The following ESRRG variants were observed in gnomAD, a reference collection of about 807,000 sequenced individuals.
The protein encoded by ESRRG is estrogen-related receptor gamma.
A neutral mutation model predicts 44.0 loss-of-function variants in ESRRG; 13 were observed. The ratio of observed to expected loss-of-function variants is 0.30; its 90% CI spans 0.19 to 0.47. The LOEUF (loss-of-function observed/expected upper bound fraction) is 0.47, where lower values mean the gene tolerates loss of function less well. Among genes scored for constraint, ESRRG ranks in the 20% least tolerant of loss-of-function variants. ESRRG has a pLI of 1.00. For synonymous variants in ESRRG, 215 were observed against 214.6 expected (o/e 1.00, Z -0.02); for missense variants, 395 against 580.6 (o/e 0.68, Z 3.29).
intron 1 of ESRRG, among the ~76,000 whole-genome samples, chr1:217,057,486 C>A (rs1026523188): frequency 2.0e-5 from 3 of 151,824 alleles, no homozygotes; most frequent in African/African-American, 7.3e-5. Context: ...AACTTAAAGA[C>A]ATTAAGAAAT....
At chr1:217,086,086 A>G (rs935264660) in intron 1 of ESRRG, among the ~76,000 whole-genome samples, 13 of 152,238 alleles carry the variant, frequency 8.5e-5, no homozygotes, top group African/African-American at 2.9e-4. Flanking sequence ...TCACAATATT[A>G]TGAAACTTGA....
chr1:216,801,701 T>A (rs1306517397), intron 2 of ESRRG, among the ~76,000 whole-genome samples: 1 of 152,164 alleles, frequency 6.6e-6, no homozygotes, highest in Admixed American at 6.6e-5. Context: ...TGACGTTGAG[T>A]ACCTTTTCAT....
Position 217,084,500 on chromosome 1 carries a change from G to A in ESRRG, c.-106+5007C>T, listed in dbSNP as rs868004439. ...AAACTTAAATGAGCCACTCTATAAC[G>A]TAGATATCTGGAAATATGGTTTATC... On this transcript the variant is annotated intron_variant, in intron 1 of 7. Coordinates refer to the ESRRG transcript ENST00000359162. 5.3e-5 allele frequency among the ~76,000 whole-genome samples: 8 copies of A among 152,084 alleles called. No individual in the cohort carries two copies. The East Asian group carries it at 7.7e-4, about 15-fold the overall frequency.
At chr1:216,967,911 G>T (rs2070799364) in intron 1 of ESRRG, among the ~76,000 whole-genome samples, 1 of 152,130 alleles carries the variant, frequency 6.6e-6, no homozygotes, top group Admixed American at 6.6e-5. Context: ...ATTTGGTATT[G>T]TCAGCGTCTT....
chr1:216,672,523 A>G (rs555844099), intron 2 of ESRRG, among the ~76,000 whole-genome samples: 1 of 152,300 alleles, frequency 6.6e-6, no homozygotes, highest in East Asian at 1.9e-4. Flanking sequence ...ATTTTTCCCA[A>G]CTTTTTAAAC....
chr1:216,697,856 C>T (rs1410917702), intron 1 of ESRRG, among the ~76,000 whole-genome samples: 1 of 152,138 alleles, frequency 6.6e-6, no homozygotes, highest in Non-Finnish European at 1.5e-5. Context: ...AGTGTGAAAC[C>T]TATCTGTCAC....
At chr1:216,754,494 C>A (rs1178911793) in intron 2 of ESRRG, among the ~76,000 whole-genome samples, 2 of 151,836 alleles carry the variant, frequency 1.3e-5, no homozygotes, top group Admixed American at 6.6e-5. Context: ...CCTTCTGTAC[C>A]CTTAGTTCAG....
intron 1 of ESRRG, among the ~76,000 whole-genome samples, chr1:217,051,574 C>G (rs2151245123): frequency 6.6e-6 from 1 of 152,278 alleles, no homozygotes; most frequent in South Asian, 2.1e-4. Flanking sequence ...CCATCCTTTA[C>G]TTATGTTTCA....
intron 2 of ESRRG, among the ~76,000 whole-genome samples, chr1:216,741,133 A>T (rs1408265407): frequency 6.7e-6 from 1 of 150,224 alleles, no homozygotes; most frequent in East Asian, 1.9e-4. Flanking sequence ...ATAAAAACAG[A>T]ACATTGTCTA....
intron 1 of ESRRG, among the ~76,000 whole-genome samples, chr1:216,712,489 T>C (rs1005503154): frequency 5.9e-5 from 9 of 152,168 alleles, no homozygotes; most frequent in Non-Finnish European, 1.0e-4. Context: ...GTGTTTTGCA[T>C]GTAGTATTGG....
intron 2 of ESRRG, among the ~76,000 whole-genome samples, chr1:216,938,758 A>G (rs1392659082): frequency 3.9e-5 from 6 of 152,160 alleles, no homozygotes; most frequent in African/African-American, 1.2e-4. Context: ...TAACTAATAC[A>G]TCAGAGATCC....
At chr1:216,713,208 G>T (rs541650085) in intron 1 of ESRRG, among the ~76,000 whole-genome samples, 1 of 152,148 alleles carries the variant, frequency 6.6e-6, no homozygotes, top group African/African-American at 2.4e-5. Flanking sequence ...AAGAGAAAAT[G>T]GCAGAACTGG....
intron 3 of ESRRG, among the ~76,000 whole-genome samples, chr1:216,611,380 T>A (rs893356687): frequency 6.6e-6 from 1 of 152,146 alleles, no homozygotes; most frequent in Non-Finnish European, 1.5e-5. Flanking sequence ...ATTCCATTGG[T>A]ATACCAGATC....
chr1:216,855,578 C>T (rs1457605356), intron 2 of ESRRG, among the ~76,000 whole-genome samples: 1 of 152,148 alleles, frequency 6.6e-6, no homozygotes, highest in African/African-American at 2.4e-5. Flanking sequence ...AAAGATGATA[C>T]TGTCAAGGCC....
chr1:216,558,811 A>G (rs55953234), intron 5 of ESRRG, among the ~76,000 whole-genome samples: 5,480 of 152,206 alleles, frequency 0.036, 318 homozygotes, highest in African/African-American at 0.12. Context: ...TACCAGGTAC[A>G]TTAAAAATAA....
intron 3 of ESRRG, among the ~76,000 whole-genome samples, chr1:216,580,415 T>C (rs2062539281): frequency 6.6e-6 from 1 of 152,154 alleles, no homozygotes; most frequent in African/African-American, 2.4e-5. Flanking sequence ...AGGAGTTGGC[T>C]GAAAGGTAGA....
chr1:216,726,190 C>G (rs977661133), upstream of ESRRG, among the ~76,000 whole-genome samples: 10 of 152,116 alleles, frequency 6.6e-5, no homozygotes, highest in African/African-American at 2.4e-4. Context: ...TCACTGAACT[C>G]GCTGCTTTCT....
chr1:216,927,384 G>A (rs1205267900), intron 2 of ESRRG, among the ~76,000 whole-genome samples: 1 of 152,126 alleles, frequency 6.6e-6, no homozygotes, highest in Non-Finnish European at 1.5e-5. Flanking sequence ...AAGGGCAAGG[G>A]TTAAGTAGAA....
intron 5 of ESRRG, among the ~76,000 whole-genome samples, chr1:216,547,133 G>T (rs2054758148): frequency 6.6e-6 from 1 of 151,934 alleles, no homozygotes; most frequent in Non-Finnish European, 1.5e-5. Flanking sequence ...CACAGTTATA[G>T]GAGAGGCCAT....
Sources: allele counts gnomAD v4.1 joint callset (sites outside exome capture counted in the v4.1 genomes callset), GRCh38; gene constraint gnomAD v4.1.1; transcripts MANE v1.5; gene names NCBI Gene and HGNC (gene_info 2026-07-23, HGNC 2026-07-21).